The following IL15RA variants were observed in gnomAD, a reference collection of about 807,000 sequenced individuals.
IL15RA encodes the protein interleukin 15 receptor subunit alpha.
In IL15RA, 26 loss-of-function variants were observed where a neutral mutation model predicts 24.2. That is an observed-to-expected ratio of 1.07 (90% CI 0.79 to 1.49). IL15RA has a LOEUF of 1.49. Ranked by LOEUF, IL15RA falls within the 40% of genes most tolerant of loss-of-function variation. The pLI, the probability that IL15RA is intolerant of heterozygous loss-of-function variation, is 0.00. For missense variants in IL15RA, 354 were observed against 356.4 expected (o/e 0.99, Z 0.05); for synonymous variants, 166 against 157.6 (o/e 1.05, Z -0.40).
rs1425215101 is a variant in IL15RA, at chr10:5,977,412, C to A, written c.81G>T (p.Ala27=). 1.5e-6 allele frequency: 2 copies of A among 1,334,318 alleles called. No individual in the cohort carries two copies. Among genetic ancestry groups the A allele is most frequent in the Non-Finnish European group, 1.9e-6 (2 of 1,042,944 alleles). The allele number at this position is 1,334,318 out of a possible 1,614,324, so 82.7% of individuals were successfully genotyped here. A position where few individuals can be genotyped will look rare whatever the true frequency, so the allele number is the denominator to read the frequency against. The change falls in exon 1 of 7, where the codon GCG becomes GCT. Residue 27 remains alanine, a synonymous_variant. Coordinates refer to ENST00000379977, the MANE Select transcript of IL15RA (RefSeq NM_002189.4). ...LLLLLLLRPP[A]TRGITCPPPM... is the part of the protein sequence containing the mutation. ...CTGCTCCCAGCTCCCTACCCCGCGT[C>A]GCCGGCGGCCGGAGCAGCAGCAGCA... is the stretch of plus-strand genomic sequence containing the variant.
In IL15RA at chr10:5,960,734, G is replaced by A. The variant is rs41294153; in HGVS notation, c.383-167C>T. Among the ~76,000 whole-genome samples, 1,858 of 152,188 alleles carry A rather than the reference G, an allele frequency of 0.012. 23 individuals are homozygous for A. The highest frequency in any genetic ancestry group is 0.02 in the Non-Finnish European group (1,370 of 68,002). On this transcript the variant is annotated intron_variant, in intron 3 of 6. Transcript: ENST00000379977. The surrounding 1 kb of genome is among the most constrained non-coding windows in gnomAD (Gnocchi z 5.1). ...GGTGACATAGCCGTTCCTCTGGAAG[G>A]GCCATAGGACCTGTGAAAACACTAA... is the stretch of plus-strand genomic sequence containing the variant.
chr10:5,953,229 G>C lies in IL15RA; in HGVS notation c.693-23C>G, dbSNP rs1450971507. On this transcript the variant is annotated intron_variant, in intron 6 of 6. Coordinates refer to ENST00000379977, the MANE Select transcript of IL15RA (RefSeq NM_002189.4). This position sits in a 1 kb window ranked among gnomAD's most constrained non-coding sequence, Gnocchi z 5.3. The stretch of plus-strand genomic sequence containing the variant: ...TGCCTGCAAAGCAGGTGGTTCATAG[G>C]TTTTGAAAAGAGGAGGGGGTTGCCC... 4 of 1,565,024 alleles carry C rather than the reference G, an allele frequency of 2.6e-6. No individual in the cohort carries two copies. Among genetic ancestry groups the C allele is most frequent in the Non-Finnish European group, 3.5e-6 (4 of 1,135,148 alleles).
rs1377715861 is a variant in IL15RA at position 5,952,948 on chromosome 10, G to GCAGTCC, written c.*141_*146dup. On this transcript the variant is annotated 3_prime_UTR_variant, in exon 7 of 7. Coordinates refer to ENST00000379977, the MANE Select transcript of IL15RA (RefSeq NM_002189.4). The stretch of plus-strand genomic sequence containing the variant: ...CCCTCGCGCAGGAGGCGCCGACCCG[G>GCAGTCC]CAGTCCGTGAGATCCTGCTGGGACT... 2 of 664,206 alleles carry GCAGTCC rather than the reference G, an allele frequency of 3.0e-6. No individual in the cohort carries two copies. Among genetic ancestry groups the GCAGTCC allele is most frequent in the Non-Finnish European group, 5.4e-6 (2 of 373,300 alleles). 41.1% of individuals were successfully genotyped at this position (664,206 alleles called of 1,614,324 possible). A position where few individuals can be genotyped will look rare whatever the true frequency, so the allele number is the denominator to read the frequency against.
Position 5,955,156 on chromosome 10 carries a change from A to G in IL15RA, c.692+1223T>C, listed in dbSNP as rs1299093975. 6.6e-6 allele frequency among the ~76,000 whole-genome samples: 1 copy of G among 150,844 alleles called. No individual in the cohort carries two copies. The highest frequency in any genetic ancestry group is 1.5e-5 in the Non-Finnish European group (1 of 67,814). Reference sequence around the variant, plus strand: ...CTCTTGTTGCCCAGGCTGGAGTGCAATGGTGTGATCTTGGCTCACTGCAAC... The same window carrying G: ...CTCTTGTTGCCCAGGCTGGAGTGCAGTGGTGTGATCTTGGCTCACTGCAAC... On this transcript the variant is annotated intron_variant, in intron 6 of 6. Transcript: ENST00000379977. The surrounding 1 kb of genome is among the most constrained non-coding windows in gnomAD (Gnocchi z 5.3).
At chr10:5,977,570 C>T, upstream of IL15RA, 1 of 1,261,378 alleles carries the variant, frequency 7.9e-7, no homozygotes, top group African/African-American at 1.5e-5. Flanking sequence ...GAGCGCTGCT[C>T]TGGGACCTGC....
downstream of IL15RA, chr10:5,949,244 C>A (rs1387795794): frequency 2.1e-6 from 1 of 471,260 alleles, no homozygotes; most frequent in South Asian, 1.5e-5. This position sits in a 1 kb window ranked among gnomAD's most constrained non-coding sequence, Gnocchi z 4.4. Context: ...CTGTGAGCTG[C>A]AAGTCAGGAT....
At chr10:5,972,597 A>T (rs1046453570) in intron 1 of IL15RA, among the ~76,000 whole-genome samples, 1 of 152,246 alleles carries the variant, frequency 6.6e-6, no homozygotes, top group Non-Finnish European at 1.5e-5. Flanking sequence ...TTACAAAACA[A>T]TTCAAATTAT....
Position 5,962,591 on chromosome 10 carries a change from CA to C in IL15RA, c.382+1151del, listed in dbSNP as rs1353262028. 0.048 allele frequency among the ~76,000 whole-genome samples: 5,224 copies of C among 108,924 alleles called. 174 individuals carry two copies. The highest frequency in any genetic ancestry group is 0.11 in the African/African-American group (3,291 of 29,870). 71.5% of individuals were successfully genotyped at this position (108,924 alleles called of 152,430 possible). A position where few individuals can be genotyped will look rare whatever the true frequency, so the allele number is the denominator to read the frequency against. On this transcript the variant is annotated intron_variant, in intron 3 of 6. Transcript: ENST00000379977. The surrounding 1 kb of genome is among the most constrained non-coding windows in gnomAD (Gnocchi z 5.2). ...TGGGCAATAGAGCAAGACCCCATCT[CA>C]AAAAAAAAAAAAAAAAAGATCCACC...
intron 1 of IL15RA, among the ~76,000 whole-genome samples, chr10:5,969,621 C>T (rs1837256829): frequency 6.6e-6 from 1 of 152,190 alleles, no homozygotes; most frequent in Non-Finnish European, 1.5e-5. Context: ...AAGGGATCCT[C>T]CCAAAGTGCT....
chr10:5,974,467 A>T (rs1214004265), intron 1 of IL15RA, among the ~76,000 whole-genome samples: 1 of 152,250 alleles, frequency 6.6e-6, no homozygotes, highest in Non-Finnish European at 1.5e-5. Context: ...AATTAAAAAG[A>T]TTCATCATAC....
At chr10:5,969,949 T>C (rs1329291496) in intron 1 of IL15RA, among the ~76,000 whole-genome samples, 2 of 152,192 alleles carry the variant, frequency 1.3e-5, no homozygotes, top group African/African-American at 2.4e-5. Context: ...TGGTATGATA[T>C]TTATTTCGAT....
rs1836050751 is a variant in IL15RA, at chr10:5,963,999, C to A, written c.284-158G>T. On this transcript the variant is annotated intron_variant, in intron 2 of 6. Coordinates refer to ENST00000379977, the MANE Select transcript of IL15RA (RefSeq NM_002189.4). This position sits in a 1 kb window ranked among gnomAD's most constrained non-coding sequence, Gnocchi z 5.3. Reference sequence around the variant, plus strand: ...AAAAGCATAAGAAACAATGTTTCCCCACCCGAATGCAAAGATAGACTGCAA... The same window carrying A: ...AAAAGCATAAGAAACAATGTTTCCCAACCCGAATGCAAAGATAGACTGCAA... 6.6e-6 allele frequency among the ~76,000 whole-genome samples: 1 copy of A among 152,314 alleles called. No individual in the cohort carries two copies. Among genetic ancestry groups the A allele is most frequent in the South Asian group, 2.1e-4 (1 of 4,818 alleles).
At chr10:5,977,148 C>G (rs899807017) in intron 1 of IL15RA, 2 of 330,262 alleles carry the variant, frequency 6.1e-6, no homozygotes, top group Admixed American at 4.9e-5. Flanking sequence ...CTCGGAGACC[C>G]CAGCCAGGCC....
chr10:5,959,851 G>T lies in IL15RA; in HGVS notation c.584-65C>A. On this transcript the variant is annotated intron_variant, in intron 4 of 6. Transcript: ENST00000379977. This position sits in a 1 kb window ranked among gnomAD's most constrained non-coding sequence, Gnocchi z 4.1. ...GAGGTCCTAGTTCCTCATGAAGCAG[G>T]AGAAAATCTGCATGGCTTGGCTCCC... 1 of 1,509,026 alleles carries T rather than the reference G, an allele frequency of 6.6e-7. No individual in the cohort carries two copies. The highest frequency in any genetic ancestry group is 9.2e-7 in the Non-Finnish European group (1 of 1,087,660). 93.5% of individuals were successfully genotyped at this position (1,509,026 alleles called of 1,614,324 possible).
In IL15RA at chr10:5,977,526, C is replaced by T. The variant is rs974763500; in HGVS notation, c.-34G>A. The T allele has an allele frequency of 8.4e-6, 11 of 1,307,798 alleles. No individual in the cohort carries two copies. Among genetic ancestry groups the T allele is most frequent in the Admixed American group, 4.1e-5 (1 of 24,634 alleles). 81.0% of individuals were successfully genotyped at this position (1,307,798 alleles called of 1,614,324 possible). On this transcript the variant is annotated 5_prime_UTR_variant, in exon 1 of 7. Transcript: ENST00000379977. ...CTCCACAGGACACCGCTGGACTCCC[C>T]GGGCGAGCGCTGCCCAGGCCGGGGG...
At position 5,956,580 on chromosome 10, in the gene IL15RA, C is replaced by T. The variant is rs1442216836; in HGVS notation, c.617-126G>A. 6 of 709,908 alleles carry T rather than the reference C, an allele frequency of 8.5e-6. No individual in the cohort carries two copies. The African/African-American group carries it at 1.1e-4, about 12-fold the overall frequency. The allele number at this position is 709,908 out of a possible 1,614,324, so 44.0% of individuals were successfully genotyped here. A position where few individuals can be genotyped will look rare whatever the true frequency, so the allele number is the denominator to read the frequency against. On this transcript the variant is annotated intron_variant, in intron 5 of 6. Transcript: ENST00000379977. ...CTCCCAACCAGCCTCCTGCTAAGGA[C>T]ATTTCTTAAGGTCCATGCAATTCCC...
chr10:5,966,194 G>C lies in IL15RA; in HGVS notation c.234C>G (p.Asn78Lys). The C allele has an allele frequency of 6.2e-7, 1 of 1,613,786 alleles. No homozygotes were observed. Among genetic ancestry groups the C allele is most frequent in the Non-Finnish European group, 8.5e-7 (1 of 1,179,676 alleles). ...TCCAGTGGGCGACATTCGTGGCCTT[G>C]TTCAACACGCACTCCGTCAGGCTGG... ...GTSSLTECVL[N>K]KATNVAHWTT... is the part of the protein sequence containing the mutation. The change falls in exon 2 of 7, where the codon AAC (asparagine) becomes AAG (lysine). Residue 78 changes from asparagine (N) to lysine (K), a missense_variant. Physicochemically the swap from Asn to Lys is moderately conservative, Grantham distance 94 (BLOSUM62 0). Coordinates refer to ENST00000379977, the MANE Select transcript of IL15RA (RefSeq NM_002189.4). This position sits in a 1 kb window ranked among gnomAD's most constrained non-coding sequence, Gnocchi z 6.4.
In IL15RA at chr10:5,957,595, T is replaced by TC. The variant is rs1189872103; in HGVS notation, c.617-1142_617-1141insG. Among the ~76,000 whole-genome samples, 100 of 147,748 alleles carry TC rather than the reference T, an allele frequency of 6.8e-4. 1 individual carries two copies. Among genetic ancestry groups the TC allele is most frequent in the African/African-American group, 2.3e-3 (93 of 40,454 alleles). On this transcript the variant is annotated intron_variant, in intron 5 of 6. Transcript: ENST00000379977. Reference sequence around the variant, plus strand: ...GGCCAACTTTTTCTTTTCTTCTTCTTTTTTTTTTTTTTTCTGCGACGGAAT... The same window carrying TC: ...GGCCAACTTTTTCTTTTCTTCTTCTTCTTTTTTTTTTTTTCTGCGACGGAAT...
chr10:5,950,562 G>C (rs561202633), downstream of IL15RA, among the ~76,000 whole-genome samples: 2 of 152,300 alleles, frequency 1.3e-5, no homozygotes, highest in African/African-American at 4.8e-5. The surrounding 1 kb of genome is among the most constrained non-coding windows in gnomAD (Gnocchi z 5.6). Flanking sequence ...AGGTACAGTG[G>C]ATGGGTGCCA....
Sources: allele counts gnomAD v4.1 joint callset (sites outside exome capture counted in the v4.1 genomes callset), GRCh38; gene constraint gnomAD v4.1.1; non-coding constraint Gnocchi (gnomAD v3.1); transcripts MANE v1.5; gene names NCBI Gene and HGNC (gene_info 2026-07-23, HGNC 2026-07-21).